Variants in ZPLD1 observed in about 807,000 individuals in gnomAD.
ZPLD1 encodes zona pellucida-like domain-containing protein 1.
In ZPLD1, 34 loss-of-function variants were observed where a neutral mutation model predicts 47.2. The ratio of observed to expected loss-of-function variants is 0.72; its 90% CI spans 0.55 to 0.96. ZPLD1 has a LOEUF of 0.96. Ranked by LOEUF, ZPLD1 falls within the 40% of genes least tolerant of loss-of-function variation. The probability of loss-of-function intolerance (pLI) is 0.00; values close to 1 mark genes in which losing one functional copy is unlikely to be tolerated. For synonymous variants in ZPLD1, 176 were observed against 186.2 expected, an observed-to-expected ratio of 0.95 and a Z score of 0.45; for missense variants, 512 against 505.8, an observed-to-expected ratio of 1.01 and a Z score of -0.12.
chr3:102,402,171 T>C (rs77077083), intron 7 of ZPLD1, among the ~76,000 whole-genome samples: 2 of 152,174 alleles, frequency 1.3e-5, no homozygotes, highest in African/African-American at 2.4e-5. Context: ...ACACTAAATA[T>C]GAAATCTTTG....
intron 7 of ZPLD1, among the ~76,000 whole-genome samples, chr3:102,463,476 G>C (rs746225254): frequency 1.3e-5 from 2 of 152,136 alleles, no homozygotes; most frequent in Non-Finnish European, 2.9e-5. Flanking sequence ...CAGTTGTCTT[G>C]TACACAATTA....
chr3:102,441,468 T>A (rs1707176653), intron 3 of ZPLD1, among the ~76,000 whole-genome samples: 1 of 152,130 alleles, frequency 6.6e-6, no homozygotes, highest in Non-Finnish European at 1.5e-5. Context: ...TAATGTACAT[T>A]TATGGTTAAG....
At chr3:102,466,498 A>G (rs1481345362) in intron 8 of ZPLD1, among the ~76,000 whole-genome samples, 1 of 152,216 alleles carries the variant, frequency 6.6e-6, no homozygotes, top group East Asian at 1.9e-4. Flanking sequence ...TGGAATATAT[A>G]ATATATACAT....
chr3:102,476,336 GACA>G (rs1257893121), intron 10 of ZPLD1, among the ~76,000 whole-genome samples: 1 of 152,026 alleles, frequency 6.6e-6, no homozygotes, highest in African/African-American at 2.4e-5. Flanking sequence ...TGACAAATTG[GACA>G]ACAAAAATTG....
intron 7 of ZPLD1, among the ~76,000 whole-genome samples, chr3:102,463,767 C>A: frequency 6.6e-6 from 1 of 151,570 alleles, no homozygotes; most frequent in East Asian, 1.9e-4. Context: ...CAGGCAAGCG[C>A]GGTGGCTCAC....
At chr3:102,441,683 G>C (rs1390129842) in intron 3 of ZPLD1, among the ~76,000 whole-genome samples, 1 of 152,088 alleles carries the variant, frequency 6.6e-6, no homozygotes, top group African/African-American at 2.4e-5. Context: ...TAATCAGTAA[G>C]AGATTACAAA....
intron 6 of ZPLD1, among the ~76,000 whole-genome samples, chr3:102,387,556 T>A (rs1706437241): frequency 6.6e-6 from 1 of 152,172 alleles, no homozygotes; most frequent in Non-Finnish European, 1.5e-5. Context: ...GGCTCTTGGA[T>A]CAAAGTTGAA....
chr3:102,447,000 A>G (rs1707265435), intron 3 of ZPLD1, among the ~76,000 whole-genome samples: 2 of 152,046 alleles, frequency 1.3e-5, no homozygotes, highest in Admixed American at 1.3e-4. Flanking sequence ...AATAAGTAAA[A>G]CCAATTGCCT....
At chr3:102,472,544 A>C (rs1299411917) in intron 10 of ZPLD1, among the ~76,000 whole-genome samples, 1 of 152,094 alleles carries the variant, frequency 6.6e-6, no homozygotes, top group Non-Finnish European at 1.5e-5. Context: ...AAAAAAAAAA[A>C]AAAAGACTGG....
intron 8 of ZPLD1, among the ~76,000 whole-genome samples, chr3:102,427,713 A>C (rs952747223): frequency 7.9e-5 from 12 of 152,180 alleles, no homozygotes; most frequent in Non-Finnish European, 4.4e-5. Context: ...CAGAATGAGA[A>C]CCAGAGCCCA....
chr3:102,469,477 G>C (rs776772905), intron 9 of ZPLD1, among the ~76,000 whole-genome samples: 4 of 152,216 alleles, frequency 2.6e-5, no homozygotes, highest in Non-Finnish European at 4.4e-5. Context: ...ACCATTGTGA[G>C]AGAGATGAAG....
upstream of ZPLD1, among the ~76,000 whole-genome samples, chr3:102,431,363 T>C (rs1049155370): frequency 6.6e-6 from 1 of 152,224 alleles, no homozygotes; most frequent in African/African-American, 2.4e-5. Context: ...TTTGAGGCAT[T>C]ATTCTGAAAG....
At chr3:102,406,870 C>A (rs967587952) in intron 7 of ZPLD1, among the ~76,000 whole-genome samples, 1 of 151,800 alleles carries the variant, frequency 6.6e-6, no homozygotes, top group African/African-American at 2.4e-5. Flanking sequence ...CAACATGTTT[C>A]TTTTATTTAT....
rs193270049 is a variant in ZPLD1 at position 102,389,707 on chromosome 3, T to G, written c.-212-2463T>G. ...TGGTTCATTTATATAGCTTTCTGGT[T>G]GTATAGCTTTATCCAAAGATAGGGC... On this transcript the variant is annotated intron_variant, in intron 6 of 17. Coordinates refer to the ZPLD1 transcript ENST00000491959. 2.1e-4 allele frequency among the ~76,000 whole-genome samples: 32 copies of G among 152,304 alleles called. No homozygotes were observed. In the East Asian group the frequency reaches 6.0e-3, roughly 28 times the overall value.
chr3:102,424,356 G>A (rs897449398), intron 8 of ZPLD1, among the ~76,000 whole-genome samples: 1 of 151,932 alleles, frequency 6.6e-6, no homozygotes, highest in Non-Finnish European at 1.5e-5. Context: ...ATTCACAAAT[G>A]AATGTCCTAT....
rs910786607 is a variant in ZPLD1 at position 102,401,260 on chromosome 3, T to A, written c.-157+9035T>A. Reference sequence around the variant, plus strand: ...ATAGACACACATATATATGTATGTGTGTGTTTATGTGCATTGTGTGCATCT... The same window carrying A: ...ATAGACACACATATATATGTATGTGAGTGTTTATGTGCATTGTGTGCATCT... On this transcript the variant is annotated intron_variant, in intron 7 of 17. Coordinates refer to the ZPLD1 transcript ENST00000491959. Among the ~76,000 whole-genome samples, 4 of 152,002 alleles carry A rather than the reference T, an allele frequency of 2.6e-5. No individual in the cohort carries two copies. In the East Asian group the frequency reaches 7.8e-4, roughly 29 times the overall value.
At chr3:102,391,439 A>G (rs1706494086) in intron 6 of ZPLD1, among the ~76,000 whole-genome samples, 1 of 151,970 alleles carries the variant, frequency 6.6e-6, no homozygotes, top group East Asian at 1.9e-4. Flanking sequence ...TTGAATCTGA[A>G]TGAGATTGTG....
At chr3:102,409,113 A>G (rs1015138314) in intron 7 of ZPLD1, among the ~76,000 whole-genome samples, 7 of 151,834 alleles carry the variant, frequency 4.6e-5, no homozygotes, top group African/African-American at 1.7e-4. Context: ...GAGGCTGGAA[A>G]GTTCAAGATC....
chr3:102,463,525 T>C (rs1707541772), intron 7 of ZPLD1, among the ~76,000 whole-genome samples: 2 of 152,174 alleles, frequency 1.3e-5, no homozygotes. Flanking sequence ...AATGTGAAAT[T>C]GACAATTTGG....
Sources: allele counts gnomAD v4.1 joint callset (sites outside exome capture counted in the v4.1 genomes callset), GRCh38; gene constraint gnomAD v4.1.1; transcripts MANE v1.5; gene names NCBI Gene and HGNC (gene_info 2026-07-23, HGNC 2026-07-21).